The following OR6B3 variants were observed in gnomAD, a reference collection of about 807,000 sequenced individuals.
OR6B3 encodes olfactory receptor 6B3.
For missense variants in OR6B3, 315 were observed against 427.4 expected, an observed-to-expected ratio of 0.74 and a Z score of 2.32; for synonymous variants, 148 against 187.8, an observed-to-expected ratio of 0.79 and a Z score of 1.73.
the OR6B3 span, among the ~76,000 whole-genome samples, chr2:240,052,936 C>G: frequency 6.6e-6 from 1 of 152,150 alleles, no homozygotes; most frequent in Non-Finnish European, 1.5e-5. The surrounding 1 kb of genome is among the most constrained non-coding windows in gnomAD (Gnocchi z 4.5). Flanking sequence ...CTCAGCCTCC[C>G]GTGTAGCTGG....
downstream of OR6B3, chr2:240,045,043 G>A: frequency 1.3e-6 from 2 of 1,524,014 alleles, no homozygotes; most frequent in Non-Finnish European, 1.8e-6. Flanking sequence ...AATAAATGCG[G>A]TACTACAATA....
intron 1 of OR6B3, 75 bp downstream of exon 2, chr2:240,046,877 T>A (rs1045911985): frequency 2.6e-5 from 4 of 152,284 alleles, no homozygotes; most frequent in East Asian, 3.9e-4. Flanking sequence ...ACTACAGTCC[T>A]GGGAAAAAGA....
upstream of OR6B3, among the ~76,000 whole-genome samples, chr2:240,047,916 C>G (rs1489249148): frequency 6.6e-6 from 1 of 152,108 alleles, no homozygotes. Flanking sequence ...ATAATATCAA[C>G]AGCAGTTTGC....
chr2:240,050,517 C>T (rs1172320153), upstream of OR6B3, among the ~76,000 whole-genome samples: 1 of 152,132 alleles, frequency 6.6e-6, no homozygotes, highest in Non-Finnish European at 1.5e-5. Flanking sequence ...GCGTTCAAGA[C>T]TAGCCTGGCC....
exon 2 of OR6B3, chr2:240,045,586 T>C: frequency 6.6e-7 from 1 of 1,523,076 alleles, no homozygotes. Context: ...ACGCTGGAGA[T>C]AAAACAGACC....
exon 2 of OR6B3, chr2:240,046,014 G>A: frequency 1.9e-6 from 3 of 1,612,966 alleles, no homozygotes; most frequent in Non-Finnish European, 2.5e-6. Flanking sequence ...CAGCCCTGGG[G>A]CCGTGGGGAA....
upstream of OR6B3, among the ~76,000 whole-genome samples, chr2:240,049,375 C>T (rs531119545): frequency 1.2e-4 from 18 of 152,256 alleles, no homozygotes; most frequent in African/African-American, 4.1e-4. Context: ...AAACTTCTAG[C>T]GAGGGCTGGA....
chr2:240,049,826 G>A (rs1279089211), upstream of OR6B3, among the ~76,000 whole-genome samples: 1 of 152,046 alleles, frequency 6.6e-6, no homozygotes, highest in Non-Finnish European at 1.5e-5. Flanking sequence ...TTTTCCAAGA[G>A]GAAAACCTTG....
exon 2 of OR6B3, chr2:240,045,442 G>C (rs373059579): frequency 6.2e-7 from 1 of 1,614,130 alleles, no homozygotes; most frequent in African/African-American, 1.3e-5. Context: ...GTGGCCAGGA[G>C]TGGAAACACC....
upstream of OR6B3, among the ~76,000 whole-genome samples, chr2:240,047,984 A>G (rs1698215253): frequency 6.6e-6 from 1 of 152,224 alleles, no homozygotes; most frequent in Non-Finnish European, 1.5e-5. Flanking sequence ...TAAAGATGAA[A>G]TAGAAATATA....
At chr2:240,051,184 CA>C (rs1378939924), upstream of OR6B3, among the ~76,000 whole-genome samples, 1 of 152,128 alleles carries the variant, frequency 6.6e-6, no homozygotes, top group African/African-American at 2.4e-5. Context: ...GAGTAAACTG[CA>C]GGTGGAGACC....
intron 1 of OR6B3, among the ~76,000 whole-genome samples, chr2:240,046,687 T>G (rs1286787420): frequency 6.6e-6 from 1 of 152,086 alleles, no homozygotes; most frequent in Non-Finnish European, 1.5e-5. Flanking sequence ...TCCTTATCCC[T>G]GTCAATCTGA....
upstream of OR6B3, among the ~76,000 whole-genome samples, chr2:240,050,575 G>A (rs766248483): frequency 5.9e-5 from 9 of 152,050 alleles, no homozygotes; most frequent in African/African-American, 1.2e-4. Flanking sequence ...TTAGCCTGGC[G>A]TCATGGCAGG....
In OR6B3 at chr2:240,045,235, C is replaced by A. The variant is rs199730173; in HGVS notation, c.838G>T (p.Val280Phe). 3.0e-5 allele frequency: 49 copies of A among 1,614,230 alleles called. No individual in the cohort carries two copies. In the East Asian group the frequency reaches 9.1e-4, roughly 30 times the overall value. ...AAGGGGTTCAAGATGGGGGTGATAA[C>A]TGTGTACAAAACAGAGATGAGCTTG... The change falls in exon 2 of 2, where the codon GTT (valine) becomes TTT (phenylalanine). Residue 280 changes from valine to phenylalanine, a missense_variant. Transcript: ENST00000641019.
upstream of OR6B3, among the ~76,000 whole-genome samples, chr2:240,051,914 C>A (rs1020571701): frequency 2.0e-5 from 3 of 152,168 alleles, no homozygotes; most frequent in African/African-American, 7.2e-5. Flanking sequence ...CAGCTAAATA[C>A]CAGGATCATT....
upstream of OR6B3, among the ~76,000 whole-genome samples, chr2:240,048,514 G>C (rs1006935310): frequency 2.6e-5 from 4 of 152,158 alleles, no homozygotes; most frequent in South Asian, 2.1e-4. Context: ...GGAGGTGCTT[G>C]TGAAGCACCT....
chr2:240,049,833 C>G (rs1353674375), upstream of OR6B3, among the ~76,000 whole-genome samples: 1 of 151,766 alleles, frequency 6.6e-6, no homozygotes, highest in Non-Finnish European at 1.5e-5. Context: ...AGAGGAAAAC[C>G]TTGGGAAAGG....
At chr2:240,048,086 A>G (rs1698215791), upstream of OR6B3, among the ~76,000 whole-genome samples, 2 of 152,228 alleles carry the variant, frequency 1.3e-5, no homozygotes, top group African/African-American at 4.8e-5. Flanking sequence ...AAGAAAACAC[A>G]CAGGAAATGT....
the OR6B3 span, among the ~76,000 whole-genome samples, chr2:240,053,438 G>A: frequency 6.6e-6 from 1 of 152,308 alleles, no homozygotes; most frequent in Non-Finnish European, 1.5e-5. This position sits in a 1 kb window ranked among gnomAD's most constrained non-coding sequence, Gnocchi z 4.1. Context: ...GGGAGCACCT[G>A]CCCCGTCTGC....
Sources: gnomAD v4.1 joint callset for allele counts (sites outside exome capture counted in the v4.1 genomes callset) on GRCh38, gnomAD v4.1.1 for gene constraint, Gnocchi (gnomAD v3.1) non-coding constraint, MANE v1.5 for transcripts, NCBI Gene and HGNC (gene_info 2026-07-23, HGNC 2026-07-21) for gene names.